The following CDH4 variants were observed in gnomAD, a reference collection of about 807,000 sequenced individuals.
The protein encoded by CDH4 is cadherin 4, also known as cadherin-4.
A neutral mutation model predicts 86.0 loss-of-function variants in CDH4; 33 were observed. The ratio of observed to expected loss-of-function variants is 0.38; its 90% CI spans 0.29 to 0.51. CDH4 has a LOEUF of 0.51. CDH4 is among the 20% of genes least tolerant of loss of function. The pLI is 0.86. For missense variants in CDH4, 1,114 were observed against 1,307.4 expected, an observed-to-expected ratio of 0.85 and a Z score of 2.28; for synonymous variants, 555 against 549.4, an observed-to-expected ratio of 1.01 and a Z score of -0.14.
At position 61,902,985 on chromosome 20, in the gene CDH4, C is replaced by T. The variant is rs2054744088; in HGVS notation, c.1189-7437C>T. ...AGTGAGGTGTGATCATGCCACTAAA[C>T]TCCAGCCTGGGCAACAGAGCAAGAC... On this transcript the variant is annotated intron_variant, in intron 8 of 15. Transcript: ENST00000614565. This position sits in a 1 kb window ranked among gnomAD's most constrained non-coding sequence, Gnocchi z 4.6. Among the ~76,000 whole-genome samples, 1 of 121,608 alleles carries T rather than the reference C, an allele frequency of 8.2e-6. No homozygotes were observed. Among genetic ancestry groups the T allele is most frequent in the Non-Finnish European group, 1.6e-5 (1 of 62,952 alleles). The allele number at this position is 121,608 out of a possible 152,430, so 79.8% of individuals were successfully genotyped here.
At chr20:61,428,060 G>A (rs967909438) in intron 2 of CDH4, among the ~76,000 whole-genome samples, 9 of 152,252 alleles carry the variant, frequency 5.9e-5, no homozygotes, top group African/African-American at 1.2e-4. Context: ...CTCCTAGGTC[G>A]CACCCTTTCC....
intron 2 of CDH4, among the ~76,000 whole-genome samples, chr20:61,369,068 C>T: frequency 6.6e-6 from 1 of 152,148 alleles, no homozygotes; most frequent in East Asian, 1.9e-4. Context: ...ATGCCATTTT[C>T]ATGAAATGTA....
intron 2 of CDH4, among the ~76,000 whole-genome samples, chr20:61,661,897 G>T (rs150366929): frequency 6.6e-6 from 1 of 152,206 alleles, no homozygotes; most frequent in Non-Finnish European, 1.5e-5. Context: ...ATTGTGCCGC[G>T]GTCCTGTAAC....
chr20:61,690,503 T>C (rs2087641522), intron 2 of CDH4, among the ~76,000 whole-genome samples: 1 of 152,030 alleles, frequency 6.6e-6, no homozygotes, highest in African/African-American at 2.4e-5. Context: ...GGAAGGAGTG[T>C]GGACCCAATC....
intron 2 of CDH4, among the ~76,000 whole-genome samples, chr20:61,726,123 A>G (rs1313971498): frequency 6.6e-6 from 1 of 151,950 alleles, no homozygotes; most frequent in Non-Finnish European, 1.5e-5. Context: ...GCATGGGGAT[A>G]GTCTCGGGGG....
chr20:61,793,477 G>A (rs549847239), intron 4 of CDH4, among the ~76,000 whole-genome samples: 4 of 152,230 alleles, frequency 2.6e-5, no homozygotes, highest in South Asian at 2.1e-4. Context: ...GAGAAACATC[G>A]CTCTGGGACC....
chr20:61,741,604 G>C (rs1038603784), intron 2 of CDH4, among the ~76,000 whole-genome samples: 2 of 151,826 alleles, frequency 1.3e-5, no homozygotes, highest in Non-Finnish European at 2.9e-5. Context: ...CCATTCTTCT[G>C]CCTCAGCCTC....
intron 2 of CDH4, among the ~76,000 whole-genome samples, chr20:61,583,377 G>C (rs1162577271): frequency 1.3e-5 from 2 of 152,138 alleles, no homozygotes; most frequent in Non-Finnish European, 2.9e-5. Context: ...CCATGGTCAT[G>C]TCTGGGTGCT....
chr20:61,339,883 C>A (rs1224709232), intron 2 of CDH4, among the ~76,000 whole-genome samples: 1 of 152,176 alleles, frequency 6.6e-6, no homozygotes, highest in Non-Finnish European at 1.5e-5. Context: ...CCCTATAGAG[C>A]AACTGACTTA....
At position 61,377,233 on chromosome 20, in the gene CDH4, G is replaced by A. The variant is rs948046952; in HGVS notation, c.169+122296G>A. Among the ~76,000 whole-genome samples, 44 of 152,158 alleles carry A rather than the reference G, an allele frequency of 2.9e-4. No homozygotes were observed. Among genetic ancestry groups the A allele is most frequent in the African/African-American group, 1.1e-3 (44 of 41,436 alleles). ...TGAAGTTTGCAGAAGTGGAATAGAG[G>A]CATGGGGGGCTCTGGTGAGGGGCAG... On this transcript the variant is annotated intron_variant, in intron 2 of 15. Coordinates refer to ENST00000614565, the MANE Select transcript of CDH4 (RefSeq NM_001794.5). This position sits in a 1 kb window ranked among gnomAD's most constrained non-coding sequence, Gnocchi z 4.0.
At chr20:61,799,736 G>A (rs1029388012) in intron 4 of CDH4, among the ~76,000 whole-genome samples, 4 of 152,184 alleles carry the variant, frequency 2.6e-5, no homozygotes, top group Non-Finnish European at 5.9e-5. Flanking sequence ...CCCTCCCAGG[G>A]TATCCCCGCT....
intron 7 of CDH4, among the ~76,000 whole-genome samples, chr20:61,876,250 C>T (rs1479416491): frequency 2.0e-5 from 3 of 152,212 alleles, no homozygotes; most frequent in African/African-American, 7.2e-5. Flanking sequence ...ACCTGCGTGC[C>T]ATCAGCTCCT....
intron 4 of CDH4, among the ~76,000 whole-genome samples, chr20:61,834,705 T>A (rs1436649476): frequency 7.2e-6 from 1 of 139,158 alleles, no homozygotes; most frequent in African/African-American, 2.4e-5. Context: ...GGTTGACACT[T>A]GGCGCTGCCT....
chr20:61,817,401 C>G (rs1980773340), intron 4 of CDH4, among the ~76,000 whole-genome samples: 1 of 152,198 alleles, frequency 6.6e-6, no homozygotes, highest in Non-Finnish European at 1.5e-5. Context: ...GCCTTGTTCC[C>G]AGTTGGTCCG....
At chr20:61,322,904 GT>G in intron 2 of CDH4, among the ~76,000 whole-genome samples, 1 of 152,244 alleles carries the variant, frequency 6.6e-6, no homozygotes, top group East Asian at 1.9e-4. Flanking sequence ...TCTATCCCTG[GT>G]GTCCCCTTTT....
chr20:61,400,656 G>A (rs1284085693), intron 2 of CDH4, among the ~76,000 whole-genome samples: 1 of 152,206 alleles, frequency 6.6e-6, no homozygotes, highest in Non-Finnish European at 1.5e-5. Context: ...AGTCACTGCT[G>A]TGGGATGAGC....
At position 61,366,196 on chromosome 20, in the gene CDH4, C is replaced by G. The variant is rs1443646310; in HGVS notation, c.169+111259C>G. Among the ~76,000 whole-genome samples the G allele has an allele frequency of 2.6e-5, 4 of 152,304 alleles. No homozygotes were observed. The South Asian group carries it at 6.2e-4, about 24-fold the overall frequency. Reference sequence around the variant, plus strand: ...TTGCAGTCCTCCAGGGCTGAAGACTCAACCCTAAAGAGATGTTCCTGAGTC... The same window carrying G: ...TTGCAGTCCTCCAGGGCTGAAGACTGAACCCTAAAGAGATGTTCCTGAGTC... On this transcript the variant is annotated intron_variant, in intron 2 of 15. Coordinates refer to ENST00000614565, the MANE Select transcript of CDH4 (RefSeq NM_001794.5).
Position 61,377,912 on chromosome 20 carries a change from T to C in CDH4, c.169+122975T>C, listed in dbSNP as rs6062165. 0.25 allele frequency among the ~76,000 whole-genome samples: 37,691 copies of C among 152,192 alleles called. 5,069 individuals are homozygous for C. Among genetic ancestry groups the C allele is most frequent in the African/African-American group, 0.34 (14,179 of 41,534 alleles). On this transcript the variant is annotated intron_variant, in intron 2 of 15. Coordinates refer to ENST00000614565, the MANE Select transcript of CDH4 (RefSeq NM_001794.5). The surrounding 1 kb of genome is among the most constrained non-coding windows in gnomAD (Gnocchi z 4.0). ...ACACATCCCTTCATGTGCCGTGATG[T>C]TGACTCACGTGATCTGGATAAATGA...
At chr20:61,685,175 T>G (rs1259526777) in intron 2 of CDH4, among the ~76,000 whole-genome samples, 2 of 152,240 alleles carry the variant, frequency 1.3e-5, no homozygotes, top group Admixed American at 1.3e-4. Flanking sequence ...ACAGGTGGGA[T>G]TGTCTTTGGG....
Sources: allele counts gnomAD v4.1 joint callset (sites outside exome capture counted in the v4.1 genomes callset), GRCh38; gene constraint gnomAD v4.1.1; non-coding constraint Gnocchi (gnomAD v3.1); transcripts MANE v1.5; gene names NCBI Gene and HGNC (gene_info 2026-07-23, HGNC 2026-07-21).